The following ATXN7L3B variants were observed in gnomAD, a reference collection of about 807,000 sequenced individuals.
The protein encoded by ATXN7L3B is ataxin-7-like protein 3B.
In ATXN7L3B, 4 loss-of-function variants were observed where a neutral mutation model predicts 6.3. The observed-to-expected ratio is 0.63, with a 90% confidence interval of 0.31 to 1.45. ATXN7L3B has a LOEUF of 1.45. Ranked by LOEUF, ATXN7L3B falls within the 40% of genes most tolerant of loss-of-function variation. The probability of loss-of-function intolerance (pLI) is 0.07; values close to 1 mark genes in which losing one functional copy is unlikely to be tolerated. For missense variants in ATXN7L3B, 120 were observed against 118.5 expected (o/e 1.01, Z -0.06); for synonymous variants, 63 against 48.0 (o/e 1.31, Z -1.29).
chr12:74,543,975 G>A lies in ATXN7L3B; in HGVS notation c.*5569G>A, dbSNP rs1464421333. The A allele has an allele frequency of 6.6e-6, 1 of 151,938 alleles. No individual in the cohort carries two copies. The highest frequency in any genetic ancestry group is 1.9e-4 in the East Asian group (1 of 5,196). The allele number at this position is 151,938 out of a possible 1,614,324, so 9.4% of individuals were successfully genotyped here. On this transcript the variant is annotated 3_prime_UTR_variant, in exon 1 of 1. Coordinates refer to ENST00000519948, the MANE Select transcript of ATXN7L3B (RefSeq NM_001136262.2). ...TACTGTTCTAAGATGATATTTACAT[G>A]AACAATTTTATAGAATCTAGAAACA...
Position 74,544,667 on chromosome 12 carries a change from A to G in ATXN7L3B, c.*6261A>G, listed in dbSNP as rs1400623671. ...AAGATTTAATGTGTAAAAGTAAAAA[A>G]TGTCAAATCTTTCTAGAAAAATATA... On this transcript the variant is annotated 3_prime_UTR_variant, in exon 1 of 1. Coordinates refer to ENST00000519948, the MANE Select transcript of ATXN7L3B (RefSeq NM_001136262.2). The G allele has an allele frequency of 6.6e-6, 1 of 152,050 alleles. No homozygotes were observed. The highest frequency in any genetic ancestry group is 1.5e-5 in the Non-Finnish European group (1 of 67,880). 9.4% of individuals were successfully genotyped at this position (152,050 alleles called of 1,614,324 possible). A position where few individuals can be genotyped will look rare whatever the true frequency, so the allele number is the denominator to read the frequency against.
chr12:74,542,717 G>GT lies in ATXN7L3B; in HGVS notation c.*4312dup, dbSNP rs1240069273. On this transcript the variant is annotated 3_prime_UTR_variant, in exon 1 of 1. Transcript: ENST00000519948. ...GAAAGACAAAATGAAGTGTACTGAAGTAACTAAAAATTCAGGAAGAACTTT... is the reference window on the plus strand; with the variant it reads ...GAAAGACAAAATGAAGTGTACTGAAGTTAACTAAAAATTCAGGAAGAACTTT... 6.6e-6 allele frequency: 1 copy of GT among 152,104 alleles called. No individual in the cohort carries two copies. Among genetic ancestry groups the GT allele is most frequent in the Admixed American group, 6.5e-5 (1 of 15,274 alleles). The allele number at this position is 152,104 out of a possible 1,614,324, so 9.4% of individuals were successfully genotyped here. A position where few individuals can be genotyped will look rare whatever the true frequency, so the allele number is the denominator to read the frequency against.
rs1868921267 is a variant in ATXN7L3B, at chr12:74,542,415, T to C, written c.*4009T>C. Reference sequence around the variant, plus strand: ...ATACATCTGCAGCAAATACTTTTGGTTCCTGTTTTGTAGGTTTGGAGTTTA... The same window carrying C: ...ATACATCTGCAGCAAATACTTTTGGCTCCTGTTTTGTAGGTTTGGAGTTTA... On this transcript the variant is annotated 3_prime_UTR_variant, in exon 1 of 1. Transcript: ENST00000519948. 1 of 152,190 alleles carries C rather than the reference T, an allele frequency of 6.6e-6. No individual in the cohort carries two copies. Among genetic ancestry groups the C allele is most frequent in the Non-Finnish European group, 1.5e-5 (1 of 68,018 alleles). 9.4% of individuals were successfully genotyped at this position (152,190 alleles called of 1,614,324 possible).
Position 74,542,660 on chromosome 12 carries a change from TC to T in ATXN7L3B, c.*4255del. 6.6e-6 allele frequency: 1 copy of T among 152,098 alleles called. No homozygotes were observed. Among genetic ancestry groups the T allele is most frequent in the Admixed American group, 6.5e-5 (1 of 15,286 alleles). 9.4% of individuals were successfully genotyped at this position (152,098 alleles called of 1,614,324 possible). A position where few individuals can be genotyped will look rare whatever the true frequency, so the allele number is the denominator to read the frequency against. ...ACAGCATGTACCATCAGGTCAAGAA[TC>T]TGATAAATGATTGCTTGATGTTGAC... On this transcript the variant is annotated 3_prime_UTR_variant, in exon 1 of 1. Coordinates refer to ENST00000519948, the MANE Select transcript of ATXN7L3B (RefSeq NM_001136262.2).
chr12:74,538,367 T>C lies in ATXN7L3B; in HGVS notation c.255T>C (p.Pro85=), dbSNP rs1868778572. 1.9e-6 allele frequency: 3 copies of C among 1,551,832 alleles called. No individual in the cohort carries two copies. In the South Asian group the frequency reaches 3.6e-5, roughly 18 times the overall value. ...TTCCCGGAGAACCTGGGAATGGGCC[T>C]GATCAGCAGCTGCAGCGCTCACCTC... is the stretch of plus-strand genomic sequence containing the variant. The part of the protein sequence containing the change: ...CSLPGEPGNG[P]DQQLQRSPPE... The change falls in exon 1 of 1, where the codon CCT becomes CCC. Residue 85 remains proline (P), a synonymous_variant. Coordinates refer to ENST00000519948, the MANE Select transcript of ATXN7L3B (RefSeq NM_001136262.2).
In ATXN7L3B at chr12:74,543,741, T is replaced by A. The variant is rs115122140; in HGVS notation, c.*5335T>A. On this transcript the variant is annotated 3_prime_UTR_variant, in exon 1 of 1. Coordinates refer to ENST00000519948, the MANE Select transcript of ATXN7L3B (RefSeq NM_001136262.2). ...CCATTAGAGAAAATCCATGTGAAAA[T>A]TTGAACTGATACTGAAAAATAGTTT... The A allele has an allele frequency of 2.2e-3, 330 of 152,052 alleles. No homozygotes were observed. The highest frequency in any genetic ancestry group is 7.7e-3 in the African/African-American group (320 of 41,520). 9.4% of individuals were successfully genotyped at this position (152,052 alleles called of 1,614,324 possible).
At position 74,542,684 on chromosome 12, in the gene ATXN7L3B, G is replaced by A. The variant is rs1460151490; in HGVS notation, c.*4278G>A. 2.0e-5 allele frequency: 3 copies of A among 152,074 alleles called. No homozygotes were observed. The highest frequency in any genetic ancestry group is 7.2e-5 in the African/African-American group (3 of 41,442). 9.4% of individuals were successfully genotyped at this position (152,074 alleles called of 1,614,324 possible). On this transcript the variant is annotated 3_prime_UTR_variant, in exon 1 of 1. Coordinates refer to ENST00000519948, the MANE Select transcript of ATXN7L3B (RefSeq NM_001136262.2). ...ATCTGATAAATGATTGCTTGATGTTGACAAAGTGAAAGACAAAATGAAGTG... is the reference window on the plus strand; with the variant it reads ...ATCTGATAAATGATTGCTTGATGTTAACAAAGTGAAAGACAAAATGAAGTG...
rs1189657772 is a variant in ATXN7L3B at position 74,539,997 on chromosome 12, C to T, written c.*1591C>T. ...AGGTGCTGCTTGCCACTCCAGCTGTCACATTGAACAGTTTCAATTCAGCTC... is the reference window on the plus strand; with the variant it reads ...AGGTGCTGCTTGCCACTCCAGCTGTTACATTGAACAGTTTCAATTCAGCTC... On this transcript the variant is annotated 3_prime_UTR_variant, in exon 1 of 1. Coordinates refer to ENST00000519948, the MANE Select transcript of ATXN7L3B (RefSeq NM_001136262.2). The T allele has an allele frequency of 6.0e-6, 1 of 167,138 alleles. No homozygotes were observed. Among genetic ancestry groups the T allele is most frequent in the South Asian group, 2.1e-4 (1 of 4,832 alleles). The allele number at this position is 167,138 out of a possible 1,614,324, so 10.4% of individuals were successfully genotyped here.
At position 74,538,569 on chromosome 12, in the gene ATXN7L3B, C is replaced by A; in HGVS notation, c.*163C>A. The A allele has an allele frequency of 4.2e-6, 3 of 721,290 alleles. No homozygotes were observed. Among genetic ancestry groups the A allele is most frequent in the Non-Finnish European group, 6.9e-6 (3 of 435,984 alleles). The allele number at this position is 721,290 out of a possible 1,614,324, so 44.7% of individuals were successfully genotyped here. On this transcript the variant is annotated 3_prime_UTR_variant, in exon 1 of 1. Coordinates refer to ENST00000519948, the MANE Select transcript of ATXN7L3B (RefSeq NM_001136262.2). ...AACCCAAAGTGGATAATTTAGGAATCCTTTTTTTAAAGTGTATTACCTGGA... is the reference window on the plus strand; with the variant it reads ...AACCCAAAGTGGATAATTTAGGAATACTTTTTTTAAAGTGTATTACCTGGA...
rs1868911964 is a variant in ATXN7L3B, at chr12:74,542,014, C to T, written c.*3608C>T. On this transcript the variant is annotated 3_prime_UTR_variant, in exon 1 of 1. Coordinates refer to ENST00000519948, the MANE Select transcript of ATXN7L3B (RefSeq NM_001136262.2). Reference sequence around the variant, plus strand: ...AGTGATCCTGTGTCCTAATCAGTCTCTTGCTATGTGTTCTAATTTATTAAA... The same window carrying T: ...AGTGATCCTGTGTCCTAATCAGTCTTTTGCTATGTGTTCTAATTTATTAAA... 1 of 152,104 alleles carries T rather than the reference C, an allele frequency of 6.6e-6. No homozygotes were observed. Among genetic ancestry groups the T allele is most frequent in the African/African-American group, 2.4e-5 (1 of 41,396 alleles). 9.4% of individuals were successfully genotyped at this position (152,104 alleles called of 1,614,324 possible).
In ATXN7L3B at chr12:74,541,179, TA is replaced by T. The variant is rs1245858457; in HGVS notation, c.*2777del. The T allele has an allele frequency of 6.0e-6, 1 of 167,830 alleles. No homozygotes were observed. Among genetic ancestry groups the T allele is most frequent in the Non-Finnish European group, 1.5e-5 (1 of 68,940 alleles). 10.4% of individuals were successfully genotyped at this position (167,830 alleles called of 1,614,324 possible). A position where few individuals can be genotyped will look rare whatever the true frequency, so the allele number is the denominator to read the frequency against. On this transcript the variant is annotated 3_prime_UTR_variant, in exon 1 of 1. Coordinates refer to ENST00000519948, the MANE Select transcript of ATXN7L3B (RefSeq NM_001136262.2). Reference sequence around the variant, plus strand: ...GTTATGGGGGAAGGGGGGGGTTCTTTAAAATTTCTGTGGTTTGTGGCTTTTT... The same window carrying T: ...GTTATGGGGGAAGGGGGGGGTTCTTTAAATTTCTGTGGTTTGTGGCTTTTT...
rs556002243 is a variant in ATXN7L3B, at chr12:74,543,556, T to C, written c.*5150T>C. Reference sequence around the variant, plus strand: ...AGAATTTTATAGAGAATACAGTAAATGAAACAACAACAACAAAAACAGGCA... The same window carrying C: ...AGAATTTTATAGAGAATACAGTAAACGAAACAACAACAACAAAAACAGGCA... On this transcript the variant is annotated 3_prime_UTR_variant, in exon 1 of 1. Transcript: ENST00000519948. 5 of 151,968 alleles carry C rather than the reference T, an allele frequency of 3.3e-5. No individual in the cohort carries two copies. In the East Asian group the frequency reaches 9.7e-4, roughly 29 times the overall value. The allele number at this position is 151,968 out of a possible 1,614,324, so 9.4% of individuals were successfully genotyped here.
chr12:74,540,804 T>G lies in ATXN7L3B; in HGVS notation c.*2398T>G, dbSNP rs997867708. Reference sequence around the variant, plus strand: ...CAAATCCTGAAATTACTGTTTTCTTTCTGGCCTTTTCTCCTGGTTAGAGGA... The same window carrying G: ...CAAATCCTGAAATTACTGTTTTCTTGCTGGCCTTTTCTCCTGGTTAGAGGA... On this transcript the variant is annotated 3_prime_UTR_variant, in exon 1 of 1. Transcript: ENST00000519948. 9 of 167,144 alleles carry G rather than the reference T, an allele frequency of 5.4e-5. No homozygotes were observed. Among genetic ancestry groups the G allele is most frequent in the African/African-American group, 2.2e-4 (9 of 41,464 alleles). The allele number at this position is 167,144 out of a possible 1,614,324, so 10.4% of individuals were successfully genotyped here. A position where few individuals can be genotyped will look rare whatever the true frequency, so the allele number is the denominator to read the frequency against.
chr12:74,540,702 T>C lies in ATXN7L3B; in HGVS notation c.*2296T>C, dbSNP rs1868869987. The C allele has an allele frequency of 6.0e-6, 1 of 167,086 alleles. No homozygotes were observed. The highest frequency in any genetic ancestry group is 1.5e-5 in the Non-Finnish European group (1 of 68,104). The allele number at this position is 167,086 out of a possible 1,614,324, so 10.4% of individuals were successfully genotyped here. ...CTAAGTGAGACTCTGGCCTACTTCC[T>C]AACAATGTCTTGGAAGTGGGATGAT... is the stretch of plus-strand genomic sequence containing the variant. On this transcript the variant is annotated 3_prime_UTR_variant, in exon 1 of 1. Coordinates refer to ENST00000519948, the MANE Select transcript of ATXN7L3B (RefSeq NM_001136262.2).
In ATXN7L3B at chr12:74,544,187, G is replaced by GA. The variant is rs961531240; in HGVS notation, c.*5784dup. The GA allele has an allele frequency of 1.3e-5, 2 of 151,984 alleles. No homozygotes were observed. The highest frequency in any genetic ancestry group is 4.8e-5 in the African/African-American group (2 of 41,442). The allele number at this position is 151,984 out of a possible 1,614,324, so 9.4% of individuals were successfully genotyped here. On this transcript the variant is annotated 3_prime_UTR_variant, in exon 1 of 1. Transcript: ENST00000519948. ...ATTCAACAAGTTATAACAGTCCTAT[G>GA]AAATAATATCACAAGAACTGTGTAA...
chr12:74,538,502 G>A lies in ATXN7L3B; in HGVS notation c.*96G>A. On this transcript the variant is annotated 3_prime_UTR_variant, in exon 1 of 1. Coordinates refer to ENST00000519948, the MANE Select transcript of ATXN7L3B (RefSeq NM_001136262.2). ...TAAGTAGAAAAAAGTAGAAAAATCA[G>A]ACAAAAGTTTTAATTCCCCCTTGAA... The A allele has an allele frequency of 1.7e-6, 2 of 1,190,452 alleles. No homozygotes were observed. The highest frequency in any genetic ancestry group is 2.3e-6 in the Non-Finnish European group (2 of 862,020). 73.7% of individuals were successfully genotyped at this position (1,190,452 alleles called of 1,614,324 possible).
chr12:74,538,232 A>T lies in ATXN7L3B; in HGVS notation c.120A>T (p.Ala40=), dbSNP rs556666725. The change falls in exon 1 of 1, where the codon GCA becomes GCT. Residue 40 remains alanine, a synonymous_variant. Coordinates refer to ENST00000519948, the MANE Select transcript of ATXN7L3B (RefSeq NM_001136262.2). The part of the protein sequence containing the change: ...CLGFCFEVHR[A]VKCGYFYLEF... ...GATTCTGCTTTGAGGTGCACCGGGC[A>T]GTCAAGTGTGGCTACTTCTACCTGG... 2 of 1,602,168 alleles carry T rather than the reference A, an allele frequency of 1.2e-6. No individual in the cohort carries two copies. The highest frequency in any genetic ancestry group is 1.7e-6 in the Non-Finnish European group (2 of 1,174,056).
Position 74,539,257 on chromosome 12 carries a change from G to A in ATXN7L3B, c.*851G>A, listed in dbSNP as rs1868816679. 6.0e-6 allele frequency: 1 copy of A among 167,126 alleles called. No individual in the cohort carries two copies. The highest frequency in any genetic ancestry group is 1.5e-5 in the Non-Finnish European group (1 of 68,160). The allele number at this position is 167,126 out of a possible 1,614,324, so 10.4% of individuals were successfully genotyped here. Reference sequence around the variant, plus strand: ...TTCATGTCTGGATGTATTATGCTGTGGATATAAGTTTAGTAGGGCGGTCAT... The same window carrying A: ...TTCATGTCTGGATGTATTATGCTGTAGATATAAGTTTAGTAGGGCGGTCAT... On this transcript the variant is annotated 3_prime_UTR_variant, in exon 1 of 1. Transcript: ENST00000519948.
rs1868980613 is a variant in ATXN7L3B, at chr12:74,544,697, G to A, written c.*6291G>A. Reference sequence around the variant, plus strand: ...AAATCTTTCTAGAAAAATATAGGAGGATGTGTTCATAATTGTGTATAAGGG... The same window carrying A: ...AAATCTTTCTAGAAAAATATAGGAGAATGTGTTCATAATTGTGTATAAGGG... On this transcript the variant is annotated 3_prime_UTR_variant, in exon 1 of 1. Transcript: ENST00000519948. The A allele has an allele frequency of 6.6e-6, 1 of 151,940 alleles. No individual in the cohort carries two copies. The highest frequency in any genetic ancestry group is 2.1e-4 in the South Asian group (1 of 4,820). 9.4% of individuals were successfully genotyped at this position (151,940 alleles called of 1,614,324 possible). A position where few individuals can be genotyped will look rare whatever the true frequency, so the allele number is the denominator to read the frequency against.
Sources: gnomAD v4.1 joint callset for allele counts on GRCh38, gnomAD v4.1.1 for gene constraint, MANE v1.5 for transcripts, NCBI Gene and HGNC (gene_info 2026-07-23, HGNC 2026-07-21) for gene names.